Variants in GALE observed in about 807,000 individuals in gnomAD.
GALE encodes UDP-glucose 4-epimerase.
In GALE, 32 loss-of-function variants were observed where a neutral mutation model predicts 44.1. The ratio of observed to expected loss-of-function variants is 0.73; its 90% CI spans 0.55 to 0.97. The LOEUF is 0.97. Among genes scored for constraint, GALE ranks in the 50% least tolerant of loss-of-function variants. The probability of loss-of-function intolerance (pLI) is 0.00; values close to 1 mark genes in which losing one functional copy is unlikely to be tolerated. For missense variants in GALE, 423 were observed against 455.6 expected (o/e 0.93, Z 0.65); for synonymous variants, 182 against 183.5 (o/e 0.99, Z 0.06).
Position 23,796,279 on chromosome 1 carries a change from G to T in GALE, c.874-14C>A. The T allele has an allele frequency of 6.2e-7, 1 of 1,610,566 alleles. No individual in the cohort carries two copies. Among genetic ancestry groups the T allele is most frequent in the Non-Finnish European group, 8.5e-7 (1 of 1,176,670 alleles). On this transcript the variant is annotated splice_polypyrimidine_tract_variant and intron_variant, in intron 10 of 11. Transcript: ENST00000617979. The surrounding 1 kb of genome is among the most constrained non-coding windows in gnomAD (Gnocchi z 5.2). ...CTTGTACGGGATCTGCAAGACAGGA[G>T]GTAGTTGGAGCTTAGCTGAGCCGGC...
Position 23,799,380 on chromosome 1 carries a change from A to T in GALE, c.-20T>A. Reference sequence around the variant, plus strand: ...GTTCCACTTGCCTTGGAGTTGGAAAAGATGGAATCTGAGGATCCACACTTC... The same window carrying T: ...GTTCCACTTGCCTTGGAGTTGGAAATGATGGAATCTGAGGATCCACACTTC... On this transcript the variant is annotated 5_prime_UTR_variant, in exon 2 of 12. Coordinates refer to ENST00000617979, the MANE Select transcript of GALE (RefSeq NM_001008216.2). 4 of 352,368 alleles carry T rather than the reference A, an allele frequency of 1.1e-5. No homozygotes were observed. Among genetic ancestry groups the T allele is most frequent in the South Asian group, 4.6e-5 (2 of 43,578 alleles). 21.8% of individuals were successfully genotyped at this position (352,368 alleles called of 1,614,324 possible).
chr1:23,796,929 C>CG lies in GALE; in HGVS notation c.655dup (p.Arg219ProfsTer11). 6.2e-7 allele frequency: 1 copy of CG among 1,613,486 alleles called. No individual in the cohort carries two copies. The highest frequency in any genetic ancestry group is 8.5e-7 in the Non-Finnish European group (1 of 1,179,778). On this transcript the variant is annotated frameshift_variant, in exon 8 of 12. Transcript: ENST00000617979. LOFTEE classifies it high-confidence loss of function. This position sits in a 1 kb window ranked among gnomAD's most constrained non-coding sequence, Gnocchi z 5.2. ...GCCAAAGACATTCAGGGCCTCCCGT[C>CG]GCCCGATCGCCACCTGGAGGTGGAG...
In GALE at chr1:23,798,379, A is replaced by C; in HGVS notation, c.238-149T>G. On this transcript the variant is annotated intron_variant, in intron 4 of 11. Transcript: ENST00000617979. The surrounding 1 kb of genome is among the most constrained non-coding windows in gnomAD (Gnocchi z 4.5). ...GAGTACAGTGGTGCCATCTCAGCTC[A>C]CCGCAACCTCCACCTCCCAGGCTCA... is the stretch of plus-strand genomic sequence containing the variant. 2.8e-6 allele frequency: 2 copies of C among 718,028 alleles called. No homozygotes were observed. Among genetic ancestry groups the C allele is most frequent in the Admixed American group, 2.1e-5 (1 of 48,638 alleles). The allele number at this position is 718,028 out of a possible 1,614,324, so 44.5% of individuals were successfully genotyped here. A position where few individuals can be genotyped will look rare whatever the true frequency, so the allele number is the denominator to read the frequency against.
Position 23,796,326 on chromosome 1 carries a change from G to T in GALE, c.874-61C>A, listed in dbSNP as rs1004146918. The T allele has an allele frequency of 6.5e-7, 1 of 1,539,372 alleles. No individual in the cohort carries two copies. Among genetic ancestry groups the T allele is most frequent in the Admixed American group, 1.7e-5 (1 of 59,838 alleles). Reference sequence around the variant, plus strand: ...CGGCCCTGGCCCAGCTGCTGGCCAGGTCTTTAAGAAGCAGAAGTGCAGAGC... The same window carrying T: ...CGGCCCTGGCCCAGCTGCTGGCCAGTTCTTTAAGAAGCAGAAGTGCAGAGC... On this transcript the variant is annotated intron_variant, in intron 10 of 11. Transcript: ENST00000617979. This position sits in a 1 kb window ranked among gnomAD's most constrained non-coding sequence, Gnocchi z 5.2.
chr1:23,796,576 A>C lies in GALE; in HGVS notation c.806T>G (p.Leu269Arg). ...KEQCGCRIYN[L>R]GTGTGYSVLQ... ...CACTGAATAGCCTGTGCCCGTGCCC[A>C]GGTTGTAGATCTGGCCCACGGAGAA... Residue 269 changes from leucine (L) to arginine (R), a missense_variant, in exon 10 of 12, where the codon CTG (leucine) becomes CGG (arginine). By Grantham distance (102) the Leu-to-Arg change is moderately radical. Transcript: ENST00000617979. This position sits in a 1 kb window ranked among gnomAD's most constrained non-coding sequence, Gnocchi z 5.2. 1 of 1,614,046 alleles carries C rather than the reference A, an allele frequency of 6.2e-7. No individual in the cohort carries two copies. Among genetic ancestry groups the C allele is most frequent in the Non-Finnish European group, 8.5e-7 (1 of 1,179,994 alleles).
chr1:23,796,888 CTG>C lies in GALE; in HGVS notation c.695_696del (p.Thr232ArgfsTer71), dbSNP rs1638974195. 1.2e-6 allele frequency: 2 copies of C among 1,613,756 alleles called. No individual in the cohort carries two copies. The highest frequency in any genetic ancestry group is 1.1e-5 in the South Asian group (1 of 90,940). ...ALNVFGNDYD[T>X]EDGTGVRDYI... ...GTCCTAGGCTCACCTGTGCCATCCTCTGTGTCATAGTCATTGCCAAAGACATT... is the reference window on the plus strand; with the variant it reads ...GTCCTAGGCTCACCTGTGCCATCCTCTGTCATAGTCATTGCCAAAGACATT... On this transcript the variant is annotated frameshift_variant, in exon 8 of 12. Coordinates refer to ENST00000617979, the MANE Select transcript of GALE (RefSeq NM_001008216.2). LOFTEE classifies it high-confidence loss of function. This position sits in a 1 kb window ranked among gnomAD's most constrained non-coding sequence, Gnocchi z 5.2.
Position 23,796,991 on chromosome 1 carries a change from T to A in GALE, c.642+43A>T. On this transcript the variant is annotated intron_variant, in intron 7 of 11. Coordinates refer to ENST00000617979, the MANE Select transcript of GALE (RefSeq NM_001008216.2). The surrounding 1 kb of genome is among the most constrained non-coding windows in gnomAD (Gnocchi z 5.2). Reference sequence around the variant, plus strand: ...TCGTCCCAGATCCCAGGCACCAGCTTTAACCCCAGGGCCACTCCTCTGTCC... The same window carrying A: ...TCGTCCCAGATCCCAGGCACCAGCTATAACCCCAGGGCCACTCCTCTGTCC... 1 of 1,608,870 alleles carries A rather than the reference T, an allele frequency of 6.2e-7. No individual in the cohort carries two copies. Among genetic ancestry groups the A allele is most frequent in the Non-Finnish European group, 8.5e-7 (1 of 1,177,270 alleles).
rs1557481152 is a variant in GALE at position 23,798,849 on chromosome 1, A to G, written c.121+38T>C. 1.2e-6 allele frequency: 2 copies of G among 1,614,078 alleles called. No homozygotes were observed. On this transcript the variant is annotated intron_variant, in intron 3 of 11. Transcript: ENST00000617979. This position sits in a 1 kb window ranked among gnomAD's most constrained non-coding sequence, Gnocchi z 4.5. Reference sequence around the variant, plus strand: ...TGGAACCCAGGGTTTTGCTTCTGCCATCCCCTCAAGTAGCCCCAGCCCCAC... The same window carrying G: ...TGGAACCCAGGGTTTTGCTTCTGCCGTCCCCTCAAGTAGCCCCAGCCCCAC...
In GALE at chr1:23,798,977, C is replaced by T. The variant is rs754850112; in HGVS notation, c.31G>A (p.Ala11Thr). 1 of 1,614,094 alleles carries T rather than the reference C, an allele frequency of 6.2e-7. No individual in the cohort carries two copies. The highest frequency in any genetic ancestry group is 8.5e-7 in the Non-Finnish European group (1 of 1,180,040). MAEKVLVTGG[A>T]GYIGSHTVLE... ...ACCGTGTGGCTGCCAATGTAGCCAGCCCCACCTGTTACCAGCACCTTCTCT... is the reference window on the plus strand; with the variant it reads ...ACCGTGTGGCTGCCAATGTAGCCAGTCCCACCTGTTACCAGCACCTTCTCT... Residue 11 changes from alanine to threonine, a missense_variant, in exon 3 of 12, where the codon GCT becomes ACT. Physicochemically the swap from Ala to Thr is moderately conservative, Grantham distance 58. Coordinates refer to ENST00000617979, the MANE Select transcript of GALE (RefSeq NM_001008216.2). The surrounding 1 kb of genome is among the most constrained non-coding windows in gnomAD (Gnocchi z 4.5).
rs940417468 is a variant in GALE at position 23,796,014 on chromosome 1, C to T, written c.989-7G>A. The T allele has an allele frequency of 3.1e-6, 5 of 1,613,728 alleles. No homozygotes were observed. The highest frequency in any genetic ancestry group is 1.3e-5 in the African/African-American group (1 of 74,936). On this transcript the variant is annotated splice_region_variant and splice_polypyrimidine_tract_variant and intron_variant, in intron 11 of 11. Coordinates refer to ENST00000617979, the MANE Select transcript of GALE (RefSeq NM_001008216.2). The surrounding 1 kb of genome is among the most constrained non-coding windows in gnomAD (Gnocchi z 5.2). Reference sequence around the variant, plus strand: ...CAGCGCCAGAGATCCTCACCTGCAACACGGCGAGGTGTGTGCTCAGGGCCC... The same window carrying T: ...CAGCGCCAGAGATCCTCACCTGCAATACGGCGAGGTGTGTGCTCAGGGCCC...
Position 23,796,979 on chromosome 1 carries a change from C to A in GALE, c.643-37G>T. ...GATCAGGTCAGTTCGTCCCAGATCCCAGGCACCAGCTTTAACCCCAGGGCC... is the reference window on the plus strand; with the variant it reads ...GATCAGGTCAGTTCGTCCCAGATCCAAGGCACCAGCTTTAACCCCAGGGCC... On this transcript the variant is annotated intron_variant, in intron 7 of 11. Transcript: ENST00000617979. This position sits in a 1 kb window ranked among gnomAD's most constrained non-coding sequence, Gnocchi z 5.2. 6.2e-7 allele frequency: 1 copy of A among 1,609,686 alleles called. No homozygotes were observed. Among genetic ancestry groups the A allele is most frequent in the South Asian group, 1.1e-5 (1 of 90,246 alleles).
chr1:23,797,090 A>C lies in GALE; in HGVS notation c.586T>G (p.Cys196Gly). ...FNPTGAHASG[C>G]IGEDPQGIPN... ...ATGCCCTGGGGATCCTCACCAATGCAGCCAGAGGCATGGGCACCTGTGGGG... is the reference window on the plus strand; with the variant it reads ...ATGCCCTGGGGATCCTCACCAATGCCGCCAGAGGCATGGGCACCTGTGGGG... The change falls in exon 7 of 12, where the codon TGC (cysteine) becomes GGC (glycine). Residue 196 changes from cysteine to glycine, a missense_variant. By Grantham distance (159) the Cys-to-Gly change is radical. Transcript: ENST00000617979. 1 of 1,613,686 alleles carries C rather than the reference A, an allele frequency of 6.2e-7. No individual in the cohort carries two copies. Among genetic ancestry groups the C allele is most frequent in the Non-Finnish European group, 8.5e-7 (1 of 1,179,852 alleles).
At chr1:23,800,524 C>T (rs999086119) in intron 1 of GALE, 188 bp downstream of exon 1, 2 of 152,532 alleles carry the variant, frequency 1.3e-5, no homozygotes, top group Non-Finnish European at 2.9e-5. Context: ...AGCTAGGAGT[C>T]CTCAGGCCGG....
rs1314805548 is a variant in GALE at position 23,795,932 on chromosome 1, T to C, written c.*17A>G. 1 of 1,612,274 alleles carries C rather than the reference T, an allele frequency of 6.2e-7. No homozygotes were observed. The highest frequency in any genetic ancestry group is 1.3e-5 in the African/African-American group (1 of 74,898). ...AGGCAGCTGCTGCTTTTCCTGGTCCTTGGTAGGGGAGGGTCCTCAGGCTTG... is the reference window on the plus strand; with the variant it reads ...AGGCAGCTGCTGCTTTTCCTGGTCCCTGGTAGGGGAGGGTCCTCAGGCTTG... On this transcript the variant is annotated 3_prime_UTR_variant, in exon 12 of 12. Coordinates refer to ENST00000617979, the MANE Select transcript of GALE (RefSeq NM_001008216.2).
rs1638982074 is a variant in GALE at position 23,797,066 on chromosome 1, T to C, written c.610A>G (p.Ile204Val). ...ACATAAGGCATGAGGTTGTTGGGTA[T>C]GCCCTGGGGATCCTCACCAATGCAG... The part of the protein sequence containing the change: ...SGCIGEDPQG[I>V]PNNLMPYVSQ... Residue 204 changes from isoleucine to valine, a missense_variant, in exon 7 of 12, where the codon ATA becomes GTA. Coordinates refer to ENST00000617979, the MANE Select transcript of GALE (RefSeq NM_001008216.2). 6.2e-7 allele frequency: 1 copy of C among 1,613,736 alleles called. No homozygotes were observed. The highest frequency in any genetic ancestry group is 1.7e-5 in the Admixed American group (1 of 59,952).
At position 23,798,293 on chromosome 1, in the gene GALE, C is replaced by A. The variant is rs1347446820; in HGVS notation, c.238-63G>T. 4 of 1,167,474 alleles carry A rather than the reference C, an allele frequency of 3.4e-6. No homozygotes were observed. The highest frequency in any genetic ancestry group is 5.1e-6 in the Non-Finnish European group (4 of 779,772). 72.3% of individuals were successfully genotyped at this position (1,167,474 alleles called of 1,614,324 possible). A position where few individuals can be genotyped will look rare whatever the true frequency, so the allele number is the denominator to read the frequency against. On this transcript the variant is annotated intron_variant, in intron 4 of 11. Coordinates refer to ENST00000617979, the MANE Select transcript of GALE (RefSeq NM_001008216.2). The surrounding 1 kb of genome is among the most constrained non-coding windows in gnomAD (Gnocchi z 4.5). ...TTTAGTCCTTGGCAATGCCCTCAGC[C>A]TGCCTGCCTGCACTCACCTTTTTTT...
Position 23,798,198 on chromosome 1 carries a change from C to A in GALE, c.270G>T (p.Gly90=), listed in dbSNP as rs1385415338. 1 of 1,614,056 alleles carries A rather than the reference C, an allele frequency of 6.2e-7. No homozygotes were observed. The highest frequency in any genetic ancestry group is 1.1e-5 in the South Asian group (1 of 91,080). The change falls in exon 5 of 12, where the codon GGG becomes GGT. Residue 90 remains glycine (G), a synonymous_variant. Transcript: ENST00000617979. The surrounding 1 kb of genome is among the most constrained non-coding windows in gnomAD (Gnocchi z 4.5). ...YSFMAVIHFA[G]LKAVGESVQK... ...GCACCGACTCGCCCACGGCCTTGAG[C>A]CCCGCAAAGTGGATGACCGCCATAA...
chr1:23,799,233 T>G (rs1639058226), intron 2 of GALE, 133 bp downstream of exon 2: 1 of 599,530 alleles, frequency 1.7e-6, no homozygotes, highest in Non-Finnish European at 3.0e-6. Context: ...TTTCTATCTC[T>G]GTAAAACAGA....
In GALE at chr1:23,799,404, T is replaced by TAA. The variant is rs1389908194; in HGVS notation, c.-45_-44insTT. On this transcript the variant is annotated 5_prime_UTR_variant, in exon 2 of 12. Coordinates refer to ENST00000617979, the MANE Select transcript of GALE (RefSeq NM_001008216.2). ...AAGATGGAATCTGAGGATCCACACT[T>TAA]CTTTGTCCAAGGTGACTGAGGACTG... The TAA allele has an allele frequency of 8.8e-6, 3 of 342,002 alleles. No homozygotes were observed. Among genetic ancestry groups the TAA allele is most frequent in the Admixed American group, 4.2e-5 (1 of 24,010 alleles). The allele number at this position is 342,002 out of a possible 1,614,324, so 21.2% of individuals were successfully genotyped here. A position where few individuals can be genotyped will look rare whatever the true frequency, so the allele number is the denominator to read the frequency against.
Sources: allele counts gnomAD v4.1 joint callset, GRCh38; gene constraint gnomAD v4.1.1; non-coding constraint Gnocchi (gnomAD v3.1); transcripts MANE v1.5; gene names NCBI Gene and HGNC (gene_info 2026-07-23, HGNC 2026-07-21).